Variants in GUCY1A2 observed in about 807,000 individuals in gnomAD.
GUCY1A2 encodes guanylate cyclase soluble subunit alpha-2.
A neutral mutation model predicts 63.5 loss-of-function variants in GUCY1A2; 27 were observed. The ratio of observed to expected loss-of-function variants is 0.43; its 90% confidence interval spans 0.31 to 0.59. GUCY1A2 has a LOEUF of 0.59. GUCY1A2 is among the 20% of genes least tolerant of loss of function. The probability of loss-of-function intolerance (pLI) is 0.11; values close to 1 mark genes in which losing one functional copy is unlikely to be tolerated. For missense variants in GUCY1A2, 768 were observed against 913.3 expected (o/e 0.84, Z 2.05); for synonymous variants, 364 against 343.5 (o/e 1.06, Z -0.66).
chr11:106,977,688 G>GA (rs1234614969), intron 3 of GUCY1A2, among the ~76,000 whole-genome samples: 3 of 152,100 alleles, frequency 2.0e-5, no homozygotes, highest in Non-Finnish European at 4.4e-5. Context: ...TGCCTCCAGG[G>GA]AAAATACTAT....
chr11:106,893,209 G>A lies in GUCY1A2; in HGVS notation c.1206+46251C>T, dbSNP rs985685930. 1.3e-4 allele frequency among the ~76,000 whole-genome samples: 20 copies of A among 152,164 alleles called. No individual in the cohort carries two copies. The East Asian group carries it at 1.5e-3, about 12-fold the overall frequency. On this transcript the variant is annotated intron_variant, in intron 4 of 7. Transcript: ENST00000526355. The stretch of plus-strand genomic sequence containing the variant: ...ATCTCCTCAGTCCCAGGGAACTAGC[G>A]TCATATATATGACATAATTTTTGGC...
intron 1 of GUCY1A2, among the ~76,000 whole-genome samples, chr11:107,016,575 C>G (rs1591365504): frequency 6.6e-6 from 1 of 152,180 alleles, no homozygotes; most frequent in South Asian, 2.1e-4. Flanking sequence ...AAGATGACCA[C>G]AAGTTTGGAG....
intron 4 of GUCY1A2, among the ~76,000 whole-genome samples, chr11:106,867,055 C>T (rs1859604216): frequency 1.3e-5 from 2 of 151,846 alleles, no homozygotes; most frequent in Non-Finnish European, 2.9e-5. Flanking sequence ...TACCAAGTTT[C>T]CCCCAAATTA....
At chr11:106,734,535 A>G (rs1863556398) in intron 6 of GUCY1A2, among the ~76,000 whole-genome samples, 1 of 152,184 alleles carries the variant, frequency 6.6e-6, no homozygotes, top group Non-Finnish European at 1.5e-5. Flanking sequence ...ACATGTTTGC[A>G]TATCTTAGTA....
chr11:106,913,317 T>A (rs886895671), intron 4 of GUCY1A2, among the ~76,000 whole-genome samples: 2 of 152,136 alleles, frequency 1.3e-5, no homozygotes, highest in African/African-American at 2.4e-5. Context: ...GGCACCAGCA[T>A]CAGCATCTGG....
chr11:106,882,694 G>C (rs1389705833), intron 4 of GUCY1A2, among the ~76,000 whole-genome samples: 2 of 151,876 alleles, frequency 1.3e-5, no homozygotes, highest in African/African-American at 4.8e-5. Flanking sequence ...AATTTCCCCA[G>C]CATTATTTCA....
At chr11:106,854,906 G>A (rs1236589622) in intron 4 of GUCY1A2, among the ~76,000 whole-genome samples, 1 of 152,140 alleles carries the variant, frequency 6.6e-6, no homozygotes, top group African/African-American at 2.4e-5. Flanking sequence ...TCTATCACCT[G>A]TTCCCCAGGG....
intron 4 of GUCY1A2, among the ~76,000 whole-genome samples, chr11:106,914,543 C>T (rs576930639): frequency 9.0e-4 from 133 of 148,236 alleles, no homozygotes; most frequent in Admixed American, 1.1e-3. Context: ...CCAGTAAGTA[C>T]AAATACAACA....
chr11:106,887,024 A>G (rs567070558), intron 4 of GUCY1A2, among the ~76,000 whole-genome samples: 1 of 151,876 alleles, frequency 6.6e-6, no homozygotes, highest in Non-Finnish European at 1.5e-5. Context: ...CCCTATATCT[A>G]CCTTGCTGAT....
intron 4 of GUCY1A2, chr11:106,936,669 G>C: frequency 6.5e-7 from 1 of 1,531,686 alleles, no homozygotes; most frequent in Non-Finnish European, 8.7e-7. Context: ...GTTGAATCCT[G>C]CCACTGATAA....
At chr11:106,903,128 C>CT (rs1404705235) in intron 4 of GUCY1A2, among the ~76,000 whole-genome samples, 1 of 151,932 alleles carries the variant, frequency 6.6e-6, no homozygotes, top group Admixed American at 6.6e-5. Flanking sequence ...TATGTAAAAT[C>CT]TTTTTTTAAA....
intron 4 of GUCY1A2, among the ~76,000 whole-genome samples, chr11:106,839,580 C>T (rs1356017153): frequency 1.4e-4 from 22 of 151,910 alleles, no homozygotes; most frequent in African/African-American, 5.3e-4. Context: ...TGCGGCACTA[C>T]TCACAATAGC....
chr11:106,742,990 G>T (rs560094520), intron 6 of GUCY1A2, among the ~76,000 whole-genome samples: 1 of 152,078 alleles, frequency 6.6e-6, no homozygotes, highest in East Asian at 1.9e-4. Context: ...TGTTCAGTGG[G>T]TTCCCATTAA....
In GUCY1A2 at chr11:106,682,875, T is replaced by C. The variant is rs1862454754; in HGVS notation, c.*4674A>G. 1 of 216,464 alleles carries C rather than the reference T, an allele frequency of 4.6e-6. No individual in the cohort carries two copies. Among genetic ancestry groups the C allele is most frequent in the African/African-American group, 2.3e-5 (1 of 44,428 alleles). The allele number at this position is 216,464 out of a possible 1,614,324, so 13.4% of individuals were successfully genotyped here. A position where few individuals can be genotyped will look rare whatever the true frequency, so the allele number is the denominator to read the frequency against. ...AGAACAGTCATACGCAGGTTTCAAT[T>C]GTTTGGATCAAGTGTGAGGAAGGAA... On this transcript the variant is annotated 3_prime_UTR_variant, in exon 8 of 8. Transcript: ENST00000526355.
At chr11:106,808,654 AC>A (rs66477687) in intron 5 of GUCY1A2, among the ~76,000 whole-genome samples, 48,237 of 151,840 alleles carry the variant, frequency 0.32, 8,373 homozygotes, top group Admixed American at 0.45. Context: ...AACAAAAAAA[AC>A]ATGACTGCTT....
intron 6 of GUCY1A2, among the ~76,000 whole-genome samples, chr11:106,753,543 A>G (rs975191567): frequency 1.3e-5 from 2 of 152,216 alleles, no homozygotes; most frequent in Non-Finnish European, 2.9e-5. Context: ...ATTTTTGTAT[A>G]AGGTGTAAGG....
At chr11:106,967,540 T>C (rs72994152) in intron 3 of GUCY1A2, among the ~76,000 whole-genome samples, 4 of 152,172 alleles carry the variant, frequency 2.6e-5, no homozygotes, top group Non-Finnish European at 5.9e-5. Context: ...TATCTAGAAC[T>C]AGGTATGCCC....
chr11:106,691,418 CA>C (rs1383635553), intron 7 of GUCY1A2, among the ~76,000 whole-genome samples: 1 of 152,122 alleles, frequency 6.6e-6, no homozygotes, highest in Non-Finnish European at 1.5e-5. Context: ...CCATAATCAA[CA>C]ATTAGGACTG....
chr11:106,816,009 T>C (rs1858826163), intron 4 of GUCY1A2, among the ~76,000 whole-genome samples: 1 of 151,982 alleles, frequency 6.6e-6, no homozygotes, highest in African/African-American at 2.4e-5. Flanking sequence ...TAAATTTATG[T>C]TGTTTTAAGC....
Sources: allele counts gnomAD v4.1 joint callset (sites outside exome capture counted in the v4.1 genomes callset), GRCh38; gene constraint gnomAD v4.1.1; transcripts MANE v1.5; gene names NCBI Gene and HGNC (gene_info 2026-07-23, HGNC 2026-07-21).